ZSCAN16: variants seen among roughly 807,000 people sequenced by gnomAD.
The protein encoded by ZSCAN16 is zinc finger and SCAN domain-containing protein 16.
A neutral mutation model predicts 19.4 loss-of-function variants in ZSCAN16; 15 were observed. That is an observed-to-expected ratio of 0.77 (90% CI 0.52 to 1.19). The LOEUF is 1.19. Ranked by LOEUF, ZSCAN16 falls within the 50% of genes most tolerant of loss-of-function variation. The probability of loss-of-function intolerance (pLI) is 0.00; values close to 1 mark genes in which losing one functional copy is unlikely to be tolerated. For missense variants in ZSCAN16, 327 were observed against 415.7 expected, an observed-to-expected ratio of 0.79 and a Z score of 1.86; for synonymous variants, 138 against 146.5, an observed-to-expected ratio of 0.94 and a Z score of 0.42.
chr6:28,126,903 G>T lies in ZSCAN16; in HGVS notation c.508G>T (p.Gly170Trp). The T allele has an allele frequency of 1.3e-6, 2 of 1,578,942 alleles. No individual in the cohort carries two copies. The highest frequency in any genetic ancestry group is 1.2e-5 in the South Asian group (1 of 86,494). ...PKKTQLEQEA[G>W]KPQRNGDKTR... ...AAAGACCCAGCTGGAGCAGGAAGCT[G>T]GGAAACCACAAAGGAATGGTAAGCA... The change falls in exon 3 of 4, where the codon GGG becomes TGG. Residue 170 changes from glycine (G) to tryptophan (W), a missense_variant. Gly to Trp is a radical substitution (Grantham distance 184). Transcript: ENST00000340487.
rs1765018203 is a variant in ZSCAN16 at position 28,130,011 on chromosome 6, A to G, written c.*61A>G. The G allele has an allele frequency of 7.3e-7, 1 of 1,378,952 alleles. No homozygotes were observed. The highest frequency in any genetic ancestry group is 2.4e-5 in the Admixed American group (1 of 41,508). The allele number at this position is 1,378,952 out of a possible 1,614,324, so 85.4% of individuals were successfully genotyped here. On this transcript the variant is annotated 3_prime_UTR_variant, in exon 4 of 4. Transcript: ENST00000340487. The stretch of plus-strand genomic sequence containing the variant: ...GGCCTAACTAGTTATCAAAGAATCT[A>G]TTTTAGAAACCTTGAGTTTCCTCAA...
Position 28,130,048 on chromosome 6 carries a change from C to A in ZSCAN16, c.*98C>A. ...TTGAGTTTCCTCAATGTGGTCAAAG[C>A]TTCAGTCATCATTAAACTTCTCTGG... On this transcript the variant is annotated 3_prime_UTR_variant, in exon 4 of 4. Coordinates refer to ENST00000340487, the MANE Select transcript of ZSCAN16 (RefSeq NM_025231.3). The A allele has an allele frequency of 1.0e-6, 1 of 956,672 alleles. No homozygotes were observed. The highest frequency in any genetic ancestry group is 1.5e-6 in the Non-Finnish European group (1 of 656,480). The allele number at this position is 956,672 out of a possible 1,614,324, so 59.3% of individuals were successfully genotyped here.
In ZSCAN16 at chr6:28,125,846, C is replaced by T. The variant is rs749223598; in HGVS notation, c.387+16C>T. 4.5e-6 allele frequency: 7 copies of T among 1,569,560 alleles called. No homozygotes were observed. The African/African-American group carries it at 6.8e-5, about 15-fold the overall frequency. ...TGGAAAGCAGGTGTGAAGGGGCAGTCATCTGGCTGTGAGTGATCAGGGGAT... is the reference window on the plus strand; with the variant it reads ...TGGAAAGCAGGTGTGAAGGGGCAGTTATCTGGCTGTGAGTGATCAGGGGAT... On this transcript the variant is annotated intron_variant, in intron 2 of 3. Coordinates refer to ENST00000340487, the MANE Select transcript of ZSCAN16 (RefSeq NM_025231.3). The surrounding 1 kb of genome is among the most constrained non-coding windows in gnomAD (Gnocchi z 6.2).
In ZSCAN16 at chr6:28,125,839, G is replaced by T; in HGVS notation, c.387+9G>T. The T allele has an allele frequency of 6.3e-7, 1 of 1,583,550 alleles. No individual in the cohort carries two copies. Among genetic ancestry groups the T allele is most frequent in the East Asian group, 2.3e-5 (1 of 43,750 alleles). On this transcript the variant is annotated intron_variant, in intron 2 of 3. Transcript: ENST00000340487. This position sits in a 1 kb window ranked among gnomAD's most constrained non-coding sequence, Gnocchi z 6.2. ...ATGAACCTGGAAAGCAGGTGTGAAGGGGCAGTCATCTGGCTGTGAGTGATC... is the reference window on the plus strand; with the variant it reads ...ATGAACCTGGAAAGCAGGTGTGAAGTGGCAGTCATCTGGCTGTGAGTGATC...
At chr6:28,127,554 T>G (rs1764941929) in intron 3 of ZSCAN16, among the ~76,000 whole-genome samples, 1 of 152,208 alleles carries the variant, frequency 6.6e-6, no homozygotes. Flanking sequence ...ACAGTAATGT[T>G]TGAAAGGGGT....
In ZSCAN16 at chr6:28,126,900, G is replaced by C. The variant is rs1386141982; in HGVS notation, c.505G>C (p.Ala169Pro). The C allele has an allele frequency of 6.3e-7, 1 of 1,579,548 alleles. No individual in the cohort carries two copies. Among genetic ancestry groups the C allele is most frequent in the East Asian group, 2.3e-5 (1 of 43,738 alleles). ...CAAAAAGACCCAGCTGGAGCAGGAA[G>C]CTGGGAAACCACAAAGGAATGGTAA... is the stretch of plus-strand genomic sequence containing the variant. ...HPKKTQLEQEAGKPQRNGDKT... is the reference protein window; with the variant it reads ...HPKKTQLEQEPGKPQRNGDKT... The change falls in exon 3 of 4, where the codon GCT becomes CCT. Residue 169 changes from alanine (A) to proline (P), a missense_variant. Transcript: ENST00000340487.
intron 3 of ZSCAN16, among the ~76,000 whole-genome samples, chr6:28,128,534 G>A (rs751811972): frequency 7.2e-5 from 11 of 152,128 alleles, no homozygotes; most frequent in Non-Finnish European, 1.2e-4. Flanking sequence ...GAGCTGAGAA[G>A]GTCAGGTGGG....
chr6:28,126,348 G>C lies in ZSCAN16; in HGVS notation c.388-435G>C, dbSNP rs560784156. On this transcript the variant is annotated intron_variant, in intron 2 of 3. Coordinates refer to ENST00000340487, the MANE Select transcript of ZSCAN16 (RefSeq NM_025231.3). ...TCAATATTTTTAATGAGGTATTTTA[G>C]ATATCTGTGCTTTAAATTTTCAAAA... 6.6e-5 allele frequency among the ~76,000 whole-genome samples: 10 copies of C among 151,910 alleles called. No individual in the cohort carries two copies. In the South Asian group the frequency reaches 1.5e-3, roughly 22 times the overall value.
In ZSCAN16 at chr6:28,125,058, G is replaced by A. The variant is rs1300297980; in HGVS notation, c.-31-355G>A. On this transcript the variant is annotated intron_variant, in intron 1 of 3. Coordinates refer to ENST00000340487, the MANE Select transcript of ZSCAN16 (RefSeq NM_025231.3). This position sits in a 1 kb window ranked among gnomAD's most constrained non-coding sequence, Gnocchi z 6.2. ...AGTGCTTACTAGTGCCCGCTGCCAT[G>A]CCAGGGACGTTGCATACGTTCTCAT... Among the ~76,000 whole-genome samples the A allele has an allele frequency of 2.0e-5, 3 of 152,206 alleles. No homozygotes were observed. Among genetic ancestry groups the A allele is most frequent in the African/African-American group, 7.2e-5 (3 of 41,432 alleles).
intron 3 of ZSCAN16, 166 bp downstream of exon 3, chr6:28,127,087 T>G (rs1424517378): frequency 2.9e-5 from 17 of 592,638 alleles, no homozygotes; most frequent in Non-Finnish European, 4.2e-5. Flanking sequence ...GGAGTTATAT[T>G]TTAGTTTCTC....
chr6:28,129,010 A>G (rs778263953), intron 3 of ZSCAN16, among the ~76,000 whole-genome samples: 10 of 151,848 alleles, frequency 6.6e-5, no homozygotes, highest in Non-Finnish European at 1.5e-4. Context: ...TTTACTTGCC[A>G]CCTATGTTTC....
rs1410655727 is a variant in ZSCAN16, at chr6:28,125,844, G to A, written c.387+14G>A. 3 of 1,574,988 alleles carry A rather than the reference G, an allele frequency of 1.9e-6. No individual in the cohort carries two copies. Among genetic ancestry groups the A allele is most frequent in the East Asian group, 4.6e-5 (2 of 43,508 alleles). On this transcript the variant is annotated intron_variant, in intron 2 of 3. Coordinates refer to ENST00000340487, the MANE Select transcript of ZSCAN16 (RefSeq NM_025231.3). The surrounding 1 kb of genome is among the most constrained non-coding windows in gnomAD (Gnocchi z 6.2). ...CCTGGAAAGCAGGTGTGAAGGGGCA[G>A]TCATCTGGCTGTGAGTGATCAGGGG...
At position 28,125,629 on chromosome 6, in the gene ZSCAN16, G is replaced by A. The variant is rs1414732611; in HGVS notation, c.186G>A (p.Leu62=). 2 of 1,614,248 alleles carry A rather than the reference G, an allele frequency of 1.2e-6. No individual in the cohort carries two copies. The highest frequency in any genetic ancestry group is 2.2e-5 in the South Asian group (2 of 91,090). ...APGPREALTQ[L]WELCRQWLRP... ...GACCCCGTGAAGCTCTTACCCAGCT[G>A]TGGGAGCTCTGCCGTCAGTGGCTGA... Residue 62 remains leucine (L), a synonymous_variant, in exon 2 of 4, where the codon CTG becomes CTA. Transcript: ENST00000340487. This position sits in a 1 kb window ranked among gnomAD's most constrained non-coding sequence, Gnocchi z 6.2.
chr6:28,129,434 T>C lies in ZSCAN16; in HGVS notation c.531T>C (p.Asp177=). The C allele has an allele frequency of 6.2e-7, 1 of 1,602,654 alleles. No homozygotes were observed. Among genetic ancestry groups the C allele is most frequent in the Non-Finnish European group, 8.5e-7 (1 of 1,174,462 alleles). ...QEAGKPQRNG[D]KTRTKNEELF... is the part of the protein sequence containing the mutation. ...TGTACTGTTTGTTTGTTACAGGTGA[T>C]AAAACTAGGACTAAGAATGAAGAGT... The change falls in exon 4 of 4, where the codon GAT becomes GAC. Residue 177 remains aspartate, a synonymous_variant. Coordinates refer to ENST00000340487, the MANE Select transcript of ZSCAN16 (RefSeq NM_025231.3).
intron 3 of ZSCAN16, among the ~76,000 whole-genome samples, chr6:28,128,624 C>T (rs546785646): frequency 6.6e-6 from 1 of 152,184 alleles, no homozygotes; most frequent in South Asian, 2.1e-4. Context: ...AGAATAGCAA[C>T]TGCTCTGAGT....
At position 28,125,883 on chromosome 6, in the gene ZSCAN16, C is replaced by T; in HGVS notation, c.387+53C>T. On this transcript the variant is annotated intron_variant, in intron 2 of 3. Coordinates refer to ENST00000340487, the MANE Select transcript of ZSCAN16 (RefSeq NM_025231.3). The surrounding 1 kb of genome is among the most constrained non-coding windows in gnomAD (Gnocchi z 6.2). ...AGTGATCAGGGGATATGGATGGAGC[C>T]AAAGCAAAAGGCATATGAAAGAACA... The T allele has an allele frequency of 7.2e-7, 1 of 1,382,244 alleles. No individual in the cohort carries two copies. The highest frequency in any genetic ancestry group is 9.8e-7 in the Non-Finnish European group (1 of 1,015,886). 85.6% of individuals were successfully genotyped at this position (1,382,244 alleles called of 1,614,324 possible).
rs750593742 is a variant in ZSCAN16 at position 28,125,784 on chromosome 6, C to T, written c.341C>T (p.Thr114Met). ...HHPETGEEAV[T>M]VLEDLERELD... is the part of the protein sequence containing the mutation. ...CCAGAGACTGGAGAGGAGGCAGTGA[C>T]GGTACTGGAGGATCTGGAGAGAGAG... The change falls in exon 2 of 4, where the codon ACG becomes ATG. Residue 114 changes from threonine to methionine, a missense_variant. Transcript: ENST00000340487. The surrounding 1 kb of genome is among the most constrained non-coding windows in gnomAD (Gnocchi z 6.2). 31 of 1,613,276 alleles carry T rather than the reference C, an allele frequency of 1.9e-5. No homozygotes were observed. The highest frequency in any genetic ancestry group is 1.1e-4 in the South Asian group (10 of 91,018).
At chr6:28,127,192 A>G (rs1316469330) in intron 3 of ZSCAN16, among the ~76,000 whole-genome samples, 1 of 152,212 alleles carries the variant, frequency 6.6e-6, no homozygotes, top group Non-Finnish European at 1.5e-5. Context: ...TTCTTGTTCC[A>G]AATCCCCCTA....
Position 28,129,673 on chromosome 6 carries a change from C to T in ZSCAN16, c.770C>T (p.Thr257Ile), listed in dbSNP as rs780260042. The T allele has an allele frequency of 1.2e-6, 2 of 1,614,164 alleles. No homozygotes were observed. The highest frequency in any genetic ancestry group is 2.2e-5 in the South Asian group (2 of 91,078). ...HSSDLSKHRR[T>I]HTGEKPYKCD... The stretch of plus-strand genomic sequence containing the variant: ...TCAGACCTTAGTAAACACAGGAGAA[C>T]TCACACGGGAGAGAAGCCCTATAAA... The change falls in exon 4 of 4, where the codon ACT becomes ATT. Residue 257 changes from threonine to isoleucine, a missense_variant. Physicochemically the swap from Thr to Ile is moderately conservative, Grantham distance 89. Transcript: ENST00000340487.
Sources: gnomAD v4.1 joint callset for allele counts (sites outside exome capture counted in the v4.1 genomes callset) on GRCh38, gnomAD v4.1.1 for gene constraint, Gnocchi (gnomAD v3.1) non-coding constraint, MANE v1.5 for transcripts, NCBI Gene and HGNC (gene_info 2026-07-23, HGNC 2026-07-21) for gene names.